Variants in ARHGAP6 observed in about 807,000 individuals in gnomAD.
The protein encoded by ARHGAP6 is rho GTPase-activating protein 6.
A neutral mutation model predicts 55.7 loss-of-function variants in ARHGAP6; 16 were observed. The observed-to-expected ratio is 0.29, with a 90% CI of 0.19 to 0.44. The LOEUF (loss-of-function observed/expected upper bound fraction) is 0.44. ARHGAP6 is among the 20% of genes least tolerant of loss of function. ARHGAP6 has a pLI of 1.00. For synonymous variants in ARHGAP6, 382 were observed against 360.9 expected (o/e 1.06, Z -0.66); for missense variants, 698 against 808.9 (o/e 0.86, Z 1.66).
At chrX:11,177,212 C>T (rs371081819) in intron 8 of ARHGAP6, among the ~76,000 whole-genome samples, 1 of 110,609 alleles carries the variant, frequency 9.0e-6, no homozygotes, top group Non-Finnish European at 1.9e-5. Flanking sequence ...AAGGGGGTGT[C>T]TCTTGTTAAG....
At chrX:11,151,977 A>G (rs1369265492) in intron 10 of ARHGAP6, among the ~76,000 whole-genome samples, 1 of 112,324 alleles carries the variant, frequency 8.9e-6, no homozygotes, top group East Asian at 2.8e-4. Flanking sequence ...GAAGGTTGCT[A>G]TCTCATGAAA....
rs778368870 is a variant in ARHGAP6, at chrX:11,196,989, T to C, written c.756A>G (p.Gln252=). Residue 252 remains glutamine (Q), a synonymous_variant, in exon 3 of 13, where the codon CAA becomes CAG. Transcript: ENST00000337414. ...TCTTTCTTAAAGATTTCTTTCTCTT[T>C]TGTCCATCTGTAAATATTAAAAGGA... The part of the protein sequence containing the change: ...SCQITIPKDG[Q]KRKKSLRKKL... 2.0e-5 allele frequency: 20 copies of C among 1,016,349 alleles called. No individual in the cohort carries two copies. Among genetic ancestry groups the C allele is most frequent in the Non-Finnish European group, 2.8e-5 (20 of 720,032 alleles). 83.8% of individuals were successfully genotyped at this position (1,016,349 alleles called of 1,213,427 possible).
intron 1 of ARHGAP6, among the ~76,000 whole-genome samples, chrX:11,413,587 C>A (rs1413331479): frequency 1.8e-5 from 2 of 111,388 alleles, no homozygotes; most frequent in African/African-American, 6.5e-5. Context: ...TCCTGGAGGC[C>A]CTTTATGTTC....
intron 2 of ARHGAP6, among the ~76,000 whole-genome samples, chrX:11,204,738 C>T: frequency 8.9e-6 from 1 of 112,071 alleles, no homozygotes; most frequent in Non-Finnish European, 1.9e-5. Context: ...ACTTAGTCTT[C>T]TGAACCAGCC....
At chrX:11,445,650 G>C (rs989070143) in intron 1 of ARHGAP6, among the ~76,000 whole-genome samples, 7 of 111,883 alleles carry the variant, frequency 6.3e-5, no homozygotes, top group African/African-American at 2.3e-4. Context: ...TAGGGCAGTG[G>C]TTTCAACCAG....
chrX:11,202,069 C>T (rs1160671950), intron 2 of ARHGAP6, among the ~76,000 whole-genome samples: 6 of 96,547 alleles, frequency 6.2e-5, no homozygotes, highest in African/African-American at 2.4e-4. Flanking sequence ...AGGAAATACT[C>T]AGCAAGTATT....
intron 1 of ARHGAP6, among the ~76,000 whole-genome samples, chrX:11,484,319 G>A (rs1003269438): frequency 1.8e-5 from 2 of 108,500 alleles, no homozygotes; most frequent in East Asian, 5.8e-4. Flanking sequence ...GAGAGAGAGA[G>A]GAGAATTTTA....
chrX:11,368,570 C>T (rs2049110624), intron 1 of ARHGAP6, among the ~76,000 whole-genome samples: 1 of 111,805 alleles, frequency 8.9e-6, no homozygotes, highest in African/African-American at 3.3e-5. Flanking sequence ...GATTCATCTT[C>T]CATGAATTAA....
chrX:11,422,571 A>G, intron 1 of ARHGAP6, among the ~76,000 whole-genome samples: 1 of 112,180 alleles, frequency 8.9e-6, no homozygotes, highest in East Asian at 2.8e-4. Flanking sequence ...ACAGCCAACC[A>G]CTCACTGAGA....
chrX:11,654,129 T>C (rs184336136), intron 1 of ARHGAP6, among the ~76,000 whole-genome samples: 92 of 111,661 alleles, frequency 8.2e-4, no homozygotes, highest in Non-Finnish European at 1.7e-3. Context: ...TCAAAGCCCT[T>C]GTTATATTAA....
At chrX:11,309,731 A>G (rs1026094142) in intron 1 of ARHGAP6, among the ~76,000 whole-genome samples, 2 of 111,625 alleles carry the variant, frequency 1.8e-5, no homozygotes, top group African/African-American at 6.5e-5. Context: ...AACTCTTACA[A>G]TTCAATAATA....
At chrX:11,590,848 A>AAG (rs1556118441) in intron 1 of ARHGAP6, among the ~76,000 whole-genome samples, 2 of 51,911 alleles carry the variant, frequency 3.9e-5, no homozygotes, top group East Asian at 1.3e-3. Context: ...AAAGAAAAGA[A>AAG]AAGAAAAGAA....
At chrX:11,331,210 G>T (rs2048559138) in intron 1 of ARHGAP6, among the ~76,000 whole-genome samples, 1 of 111,669 alleles carries the variant, frequency 9.0e-6, no homozygotes, top group African/African-American at 3.3e-5. Context: ...TTCCAGACAG[G>T]GTCCTCTCTC....
chrX:11,323,887 A>G (rs1291533926), intron 1 of ARHGAP6, among the ~76,000 whole-genome samples: 2 of 106,982 alleles, frequency 1.9e-5, no homozygotes, highest in Non-Finnish European at 3.9e-5. Flanking sequence ...AAAAAAAAAA[A>G]GAAAAAAGAA....
intron 3 of ARHGAP6, 87 bp from the exon 4 acceptor site, chrX:11,189,071 G>A (rs1204262731): frequency 6.8e-6 from 7 of 1,031,852 alleles, no homozygotes; most frequent in Non-Finnish European, 9.1e-6. Flanking sequence ...AGTAAGAACA[G>A]ACATATTCAA....
At chrX:11,589,030 A>G (rs1601674912) in intron 1 of ARHGAP6, among the ~76,000 whole-genome samples, 1 of 103,659 alleles carries the variant, frequency 9.6e-6, no homozygotes, top group African/African-American at 3.6e-5. Context: ...TATACATTTG[A>G]CTGCTGCATT....
chrX:11,202,579 G>A (rs1371040697), intron 2 of ARHGAP6, among the ~76,000 whole-genome samples: 2 of 110,172 alleles, frequency 1.8e-5, no homozygotes, highest in Non-Finnish European at 3.8e-5. Context: ...AGGCCCAGGC[G>A]GGCAGGTTAT....
chrX:11,538,668 TTTAA>T (rs1403167029), intron 1 of ARHGAP6, among the ~76,000 whole-genome samples: 8 of 112,161 alleles, frequency 7.1e-5, no homozygotes, highest in Non-Finnish European at 1.5e-4. Context: ...GTACTTCATT[TTTAA>T]TTAATCATTT....
intron 2 of ARHGAP6, among the ~76,000 whole-genome samples, chrX:11,228,537 C>G (rs2047086453): frequency 1.8e-5 from 2 of 111,550 alleles, no homozygotes; most frequent in South Asian, 7.4e-4. Flanking sequence ...AATGAAAGCC[C>G]TCTTTTTGGT....
Sources: gnomAD v4.1 joint callset for allele counts (sites outside exome capture counted in the v4.1 genomes callset) on GRCh38, gnomAD v4.1.1 for gene constraint, MANE v1.5 for transcripts, NCBI Gene and HGNC (gene_info 2026-07-23, HGNC 2026-07-21) for gene names.